Variants in LRMDA observed in about 807,000 individuals in gnomAD.
LRMDA encodes the protein leucine rich melanocyte differentiation associated.
Under a neutral mutation model 29.8 loss-of-function variants are expected in LRMDA, and 18 were observed. That is an observed-to-expected ratio of 0.60 (90% CI 0.42 to 0.90). The LOEUF is 0.90. Among genes scored for constraint, LRMDA ranks in the 40% least tolerant of loss-of-function variants. The pLI is 0.00. For missense variants in LRMDA, 273 were observed against 273.9 expected, an observed-to-expected ratio of 1.00 and a Z score of 0.02; for synonymous variants, 125 against 109.4, an observed-to-expected ratio of 1.14 and a Z score of -0.89.
chr10:76,271,381 CT>C (rs1400668636), intron 5 of LRMDA, among the ~76,000 whole-genome samples: 1 of 151,900 alleles, frequency 6.6e-6, no homozygotes, highest in African/African-American at 2.4e-5. Context: ...GCACTCCAGC[CT>C]GGGCAGCAGA....
rs1232295078 is a variant in LRMDA, at chr10:75,573,526, G to GATTCA, written c.131+135032_131+135033insATTCA. Among the ~76,000 whole-genome samples, 3 of 151,568 alleles carry GATTCA rather than the reference G, an allele frequency of 2.0e-5. No homozygotes were observed. In the East Asian group the frequency reaches 5.8e-4, roughly 29 times the overall value. ...CTCTGGATCATTTTTTTCAGTTTTA[G>GATTCA]CCTATGATTCACAAATTCTCCTTTC... On this transcript the variant is annotated intron_variant, in intron 2 of 6. Coordinates refer to ENST00000611255, the MANE Select transcript of LRMDA (RefSeq NM_001305581.2).
At chr10:76,198,070 C>G (rs1851362815) in intron 5 of LRMDA, among the ~76,000 whole-genome samples, 1 of 152,158 alleles carries the variant, frequency 6.6e-6, no homozygotes, top group South Asian at 2.1e-4. Flanking sequence ...AGGACCATGT[C>G]CTTGTAGGTG....
At chr10:75,833,229 T>C (rs933115562) in intron 2 of LRMDA, among the ~76,000 whole-genome samples, 4 of 152,340 alleles carry the variant, frequency 2.6e-5, no homozygotes, top group East Asian at 1.9e-4. Context: ...TGGCATATCA[T>C]GGATCACCTG....
At chr10:76,028,856 C>T (rs1465663238) in intron 2 of LRMDA, among the ~76,000 whole-genome samples, 6 of 142,528 alleles carry the variant, frequency 4.2e-5, no homozygotes, top group African/African-American at 1.6e-4. Flanking sequence ...CTCACTCTGT[C>T]GCCAGGCTGA....
chr10:75,915,147 T>G (rs1845910279), intron 2 of LRMDA, among the ~76,000 whole-genome samples: 1 of 101,398 alleles, frequency 9.9e-6, no homozygotes, highest in Non-Finnish European at 1.9e-5. Flanking sequence ...TTTTTTTTTT[T>G]TTGAGACAGA....
At chr10:75,511,897 G>T (rs1845230123) in intron 2 of LRMDA, among the ~76,000 whole-genome samples, 1 of 152,176 alleles carries the variant, frequency 6.6e-6, no homozygotes. Flanking sequence ...CTCCTCTTCT[G>T]CCTCCCTCTG....
At chr10:76,207,545 G>A (rs972628405) in intron 5 of LRMDA, among the ~76,000 whole-genome samples, 4 of 152,166 alleles carry the variant, frequency 2.6e-5, no homozygotes, top group Non-Finnish European at 4.4e-5. Context: ...AATGCCCAGT[G>A]TGTGTGACTT....
At chr10:75,895,642 G>C (rs1426754540) in intron 2 of LRMDA, among the ~76,000 whole-genome samples, 1 of 152,346 alleles carries the variant, frequency 6.6e-6, no homozygotes, top group Middle Eastern at 3.4e-3. Flanking sequence ...TAAATGTCAG[G>C]TATTACATGA....
rs184578044 is a variant in LRMDA at position 76,478,991 on chromosome 10, T to C, written c.602-78218T>C. 3.4e-4 allele frequency among the ~76,000 whole-genome samples: 52 copies of C among 152,024 alleles called. No individual in the cohort carries two copies. The East Asian group carries it at 1.0e-2, about 29-fold the overall frequency. ...GCAGCACACCAACATGGCACATGTA[T>C]ACAGATGTAACAAACCTGCACGTTG... is the stretch of plus-strand genomic sequence containing the variant. On this transcript the variant is annotated intron_variant, in intron 6 of 6. Transcript: ENST00000611255.
At chr10:76,514,133 T>C (rs146681923) in intron 6 of LRMDA, among the ~76,000 whole-genome samples, 69 of 152,284 alleles carry the variant, frequency 4.5e-4, no homozygotes, top group African/African-American at 1.5e-3. Context: ...CCCAATCCCA[T>C]ACTCTCGTCC....
Position 75,863,343 on chromosome 10 carries a change from A to T in LRMDA, c.132-172665A>T, listed in dbSNP as rs145807613. 5.9e-3 allele frequency among the ~76,000 whole-genome samples: 894 copies of T among 152,302 alleles called. 12 individuals carry two copies. Among genetic ancestry groups the T allele is most frequent in the African/African-American group, 0.021 (856 of 41,570 alleles). Reference sequence around the variant, plus strand: ...TATAAGCCCACTCTCTGAAATCAAAAATATATACTGTATCTATATTTTAGA... The same window carrying T: ...TATAAGCCCACTCTCTGAAATCAAATATATATACTGTATCTATATTTTAGA... On this transcript the variant is annotated intron_variant, in intron 2 of 6. Coordinates refer to ENST00000611255, the MANE Select transcript of LRMDA (RefSeq NM_001305581.2).
chr10:75,706,529 A>G (rs1049571934), intron 2 of LRMDA, among the ~76,000 whole-genome samples: 2 of 152,184 alleles, frequency 1.3e-5, no homozygotes, highest in African/African-American at 4.8e-5. Context: ...ATGAGGATCA[A>G]AAGTCATGTG....
rs117587221 is a variant in LRMDA at position 76,551,195 on chromosome 10, T to C, written c.602-6014T>C. Among the ~76,000 whole-genome samples the C allele has an allele frequency of 1.1e-3, 161 of 152,334 alleles. 6 individuals are homozygous for C. The East Asian group carries it at 0.029, about 27-fold the overall frequency. On this transcript the variant is annotated intron_variant, in intron 6 of 6. Coordinates refer to ENST00000611255, the MANE Select transcript of LRMDA (RefSeq NM_001305581.2). ...AGATGTTGTGATTGCTTTGTTTTTG[T>C]GGGAGGAAAGTGTTTGGGGTAAAAA... is the stretch of plus-strand genomic sequence containing the variant.
intron 6 of LRMDA, among the ~76,000 whole-genome samples, chr10:76,370,250 A>G (rs1841438196): frequency 6.6e-6 from 1 of 152,090 alleles, no homozygotes; most frequent in South Asian, 2.1e-4. Context: ...AAAAAAAACA[A>G]AACAAACAAA....
At chr10:75,911,944 G>T (rs935876350) in intron 2 of LRMDA, among the ~76,000 whole-genome samples, 6 of 152,206 alleles carry the variant, frequency 3.9e-5, no homozygotes, top group Non-Finnish European at 8.8e-5. Context: ...AGCAGCACCT[G>T]CAGCTTTGCC....
chr10:75,513,190 A>G (rs1001146202), intron 2 of LRMDA, among the ~76,000 whole-genome samples: 2 of 152,064 alleles, frequency 1.3e-5, no homozygotes, highest in Non-Finnish European at 2.9e-5. Context: ...TGATTGAAGG[A>G]GTTTTTTCCC....
At chr10:76,244,238 G>A (rs1252617666) in intron 5 of LRMDA, among the ~76,000 whole-genome samples, 1 of 152,176 alleles carries the variant, frequency 6.6e-6, no homozygotes, top group Non-Finnish European at 1.5e-5. Context: ...TGAGGACCGT[G>A]AAAGCTCACC....
chr10:75,832,886 T>C (rs1456572729), intron 2 of LRMDA, among the ~76,000 whole-genome samples: 1 of 152,180 alleles, frequency 6.6e-6, no homozygotes, highest in Non-Finnish European at 1.5e-5. Flanking sequence ...CCTGCCCCCA[T>C]GATTCAGTTG....
intron 2 of LRMDA, among the ~76,000 whole-genome samples, chr10:75,665,881 A>G (rs373453184): frequency 2.4e-4 from 36 of 152,306 alleles, no homozygotes; most frequent in African/African-American, 7.7e-4. Context: ...GTATTATGCA[A>G]TTGTTTCTTG....
Sources: allele counts gnomAD v4.1 joint callset (sites outside exome capture counted in the v4.1 genomes callset), GRCh38; gene constraint gnomAD v4.1.1; transcripts MANE v1.5; gene names NCBI Gene and HGNC (gene_info 2026-07-23, HGNC 2026-07-21).